The following PLAAT1 variants were observed in gnomAD, a reference collection of about 807,000 sequenced individuals.
PLAAT1 encodes the protein H-REV107 protein-related protein.
Under a neutral mutation model 16.4 loss-of-function variants are expected in PLAAT1, and 13 were observed. That is an observed-to-expected ratio of 0.79 (90% CI 0.52 to 1.26). PLAAT1 has a LOEUF of 1.26. Ranked by LOEUF, PLAAT1 falls within the 50% of genes most tolerant of loss-of-function variation. The pLI, the probability that PLAAT1 is intolerant of heterozygous loss-of-function variation, is 0.00. For synonymous variants in PLAAT1, 73 were observed against 78.4 expected, an observed-to-expected ratio of 0.93 and a Z score of 0.36; for missense variants, 218 against 207.8, an observed-to-expected ratio of 1.05 and a Z score of -0.30.
chr3:193,278,755 T>A (rs1010088849), downstream of PLAAT1, among the ~76,000 whole-genome samples: 7 of 152,194 alleles, frequency 4.6e-5, no homozygotes, highest in African/African-American at 1.7e-4. Context: ...TCTTTTCAAG[T>A]ATGGATAGCC....
At chr3:193,279,223 T>C (rs370209509), downstream of PLAAT1, 609 of 613,124 alleles carry the variant, frequency 9.9e-4, 11 homozygotes, top group South Asian at 0.013. Flanking sequence ...TCCAGATATC[T>C]TATTTGCCCT....
In PLAAT1 at chr3:193,255,812, C is replaced by T. The variant is rs774530903; in HGVS notation, c.139+23C>T. 5 of 1,545,336 alleles carry T rather than the reference C, an allele frequency of 3.2e-6. No individual in the cohort carries two copies. In the East Asian group the frequency reaches 7.0e-5, roughly 22 times the overall value. ...TAGGTGAGGTTTATTTCCAGTGGCT[C>T]CTGGGAGCAAAGTTTTAGTGTTCTT... On this transcript the variant is annotated intron_variant, in intron 2 of 3. Transcript: ENST00000264735.
chr3:193,265,416 A>G (rs1716746406), intron 3 of PLAAT1, among the ~76,000 whole-genome samples: 1 of 152,220 alleles, frequency 6.6e-6, no homozygotes, highest in Non-Finnish European at 1.5e-5. Context: ...TTTCATCGAT[A>G]TGAGATGCCT....
chr3:193,262,341 C>CTTTTTTTT (rs770490913), intron 2 of PLAAT1, among the ~76,000 whole-genome samples: 6 of 53,924 alleles, frequency 1.1e-4, no homozygotes, highest in Admixed American at 2.8e-4. Context: ...ACTTAGGGGG[C>CTTTTTTTT]TTTTTTTTTT....
intron 1 of PLAAT1, among the ~76,000 whole-genome samples, chr3:193,250,416 C>T (rs1019078099): frequency 9.9e-5 from 15 of 152,170 alleles, no homozygotes; most frequent in South Asian, 4.2e-4. Context: ...ATGTCTGAGG[C>T]GGATGCTTAT....
downstream of PLAAT1, among the ~76,000 whole-genome samples, chr3:193,273,305 G>A (rs1033568053): frequency 4.6e-5 from 7 of 151,988 alleles, no homozygotes; most frequent in African/African-American, 7.2e-5. Flanking sequence ...CTTTTGTCTT[G>A]TTACCAGTAG....
chr3:193,241,337 G>A lies in PLAAT1; in HGVS notation c.-197G>A. 1 of 1,231,426 alleles carries A rather than the reference G, an allele frequency of 8.1e-7. No homozygotes were observed. The highest frequency in any genetic ancestry group is 1.0e-6 in the Non-Finnish European group (1 of 987,764). The allele number at this position is 1,231,426 out of a possible 1,614,324, so 76.3% of individuals were successfully genotyped here. A position where few individuals can be genotyped will look rare whatever the true frequency, so the allele number is the denominator to read the frequency against. On this transcript the variant is annotated 5_prime_UTR_variant, in exon 1 of 4. Coordinates refer to ENST00000264735, the MANE Select transcript of PLAAT1 (RefSeq NM_020386.5). The stretch of plus-strand genomic sequence containing the variant: ...GCCGCCGGGACCGTTTCAGCGTGGC[G>A]GCGCTGGTGCTGGCGTTGGCCCTGG...
intron 3 of PLAAT1, among the ~76,000 whole-genome samples, chr3:193,264,491 G>C (rs1716704857): frequency 7.0e-6 from 1 of 143,062 alleles, no homozygotes; most frequent in East Asian, 2.1e-4. Context: ...TGTTGTTGTT[G>C]TTTGTTTCTT....
At chr3:193,263,364 C>A in intron 3 of PLAAT1, 129 bp downstream of exon 3, 2 of 871,420 alleles carry the variant, frequency 2.3e-6, no homozygotes, top group Non-Finnish European at 3.5e-6. Flanking sequence ...AGAGAATGGA[C>A]TTGAGTTGTC....
intron 1 of PLAAT1, among the ~76,000 whole-genome samples, chr3:193,247,192 A>G (rs1013122067): frequency 2.0e-5 from 3 of 152,210 alleles, no homozygotes; most frequent in Non-Finnish European, 4.4e-5. Context: ...GGATGTTGAA[A>G]GGAGTTAGTT....
chr3:193,248,791 A>G (rs1716075813), intron 1 of PLAAT1, among the ~76,000 whole-genome samples: 1 of 152,130 alleles, frequency 6.6e-6, no homozygotes, highest in Non-Finnish European at 1.5e-5. Context: ...TGTGTTTTGA[A>G]TAGTTTTTCT....
downstream of PLAAT1, among the ~76,000 whole-genome samples, chr3:193,272,465 C>A (rs1577314505): frequency 6.6e-6 from 1 of 151,484 alleles, no homozygotes; most frequent in Non-Finnish European, 1.5e-5. Context: ...CAAAACAAAA[C>A]AAAAAAACCC....
intron 3 of PLAAT1, among the ~76,000 whole-genome samples, chr3:193,266,646 C>T (rs755419036): frequency 2.6e-5 from 4 of 151,986 alleles, no homozygotes; most frequent in Non-Finnish European, 5.9e-5. Context: ...CAACACAGAT[C>T]GTTTGAAAGA....
chr3:193,268,828 T>C (rs548634084), intron 3 of PLAAT1, among the ~76,000 whole-genome samples: 100 of 152,316 alleles, frequency 6.6e-4, no homozygotes, highest in Non-Finnish European at 1.2e-3. Context: ...ATTAACATCT[T>C]GTGTTTCTAG....
intron 3 of PLAAT1, among the ~76,000 whole-genome samples, chr3:193,266,596 G>A (rs1240755740): frequency 1.3e-5 from 2 of 152,100 alleles, no homozygotes; most frequent in Non-Finnish European, 2.9e-5. Flanking sequence ...ACCATTATTA[G>A]TGGAGTGTCC....
intron 2 of PLAAT1, among the ~76,000 whole-genome samples, chr3:193,259,976 C>T (rs989271976): frequency 6.6e-6 from 1 of 152,000 alleles, no homozygotes; most frequent in African/African-American, 2.4e-5. Context: ...CTATAGTAAC[C>T]AAAACATCAT....
chr3:193,268,044 A>G (rs536350709), intron 3 of PLAAT1, among the ~76,000 whole-genome samples: 22 of 152,024 alleles, frequency 1.4e-4, no homozygotes, highest in Admixed American at 4.6e-4. Flanking sequence ...TCATTTTCCT[A>G]TTGTTGAATT....
rs566205120 is a variant in PLAAT1 at position 193,263,328 on chromosome 3, C to G, written c.405+93C>G. ...AGGCCTCAAACCAAATGAAAAGAACCAGAAAATACGAGAATACTGAAGGAT... is the reference window on the plus strand; with the variant it reads ...AGGCCTCAAACCAAATGAAAAGAACGAGAAAATACGAGAATACTGAAGGAT... On this transcript the variant is annotated intron_variant, in intron 3 of 3. Transcript: ENST00000264735. 135 of 1,229,668 alleles carry G rather than the reference C, an allele frequency of 1.1e-4. 1 individual carries two copies. In the South Asian group the frequency reaches 1.6e-3, roughly 15 times the overall value. The allele number at this position is 1,229,668 out of a possible 1,614,324, so 76.2% of individuals were successfully genotyped here. A position where few individuals can be genotyped will look rare whatever the true frequency, so the allele number is the denominator to read the frequency against.
At chr3:193,254,552 A>G (rs1716306403) in intron 1 of PLAAT1, among the ~76,000 whole-genome samples, 1 of 152,202 alleles carries the variant, frequency 6.6e-6, no homozygotes, top group Admixed American at 6.5e-5. Flanking sequence ...TCTATTCCAT[A>G]CATAGAAAAT....
Sources: allele counts gnomAD v4.1 joint callset (sites outside exome capture counted in the v4.1 genomes callset), GRCh38; gene constraint gnomAD v4.1.1; transcripts MANE v1.5; gene names NCBI Gene and HGNC (gene_info 2026-07-23, HGNC 2026-07-21).